Variants in ARHGAP11B observed in about 807,000 individuals in gnomAD.
The protein encoded by ARHGAP11B is inactive Rho GTPase-activating protein 11B.
ARHGAP11B carries 14 observed loss-of-function variants against 27.6 expected under a neutral mutation model. That is an observed-to-expected ratio of 0.51 (90% confidence interval 0.34 to 0.79). The LOEUF is 0.79. ARHGAP11B is among the 30% of genes least tolerant of loss of function. The pLI, the probability that ARHGAP11B is intolerant of heterozygous loss-of-function variation, is 0.02. For synonymous variants in ARHGAP11B, 82 were observed against 114.1 expected (o/e 0.72, Z 1.80); for missense variants, 245 against 320.1 (o/e 0.77, Z 1.79).
At chr15:30,648,702 C>T (rs1335005845) in exon 11 of ARHGAP11B, 1 of 151,914 alleles carries the variant, frequency 6.6e-6, no homozygotes, top group Admixed American at 6.6e-5. Flanking sequence ...ATGAAGCTTG[C>T]TTATCTCATG....
intron 1 of ARHGAP11B, among the ~76,000 whole-genome samples, chr15:30,630,015 A>C (rs75627387): frequency 2.0e-5 from 3 of 151,732 alleles, no homozygotes; most frequent in African/African-American, 7.3e-5. Flanking sequence ...TTAACCAACA[A>C]ACAACTTTAC....
At chr15:30,640,899 C>T (rs1335385032) in intron 7 of ARHGAP11B, among the ~76,000 whole-genome samples, 1 of 151,136 alleles carries the variant, frequency 6.6e-6, no homozygotes, top group Non-Finnish European at 1.5e-5. Context: ...TAACATAGTT[C>T]AGTTTTTTTT....
At chr15:30,638,009 G>A (rs1327246976) in intron 6 of ARHGAP11B, among the ~76,000 whole-genome samples, 1 of 151,400 alleles carries the variant, frequency 6.6e-6, no homozygotes, top group African/African-American at 2.4e-5. Flanking sequence ...TAGTAGAAAG[G>A]GGGTTTCACT....
chr15:30,630,247 G>C (rs906502352), intron 1 of ARHGAP11B, among the ~76,000 whole-genome samples: 9 of 152,064 alleles, frequency 5.9e-5, no homozygotes, highest in African/African-American at 1.9e-4. Flanking sequence ...ACAGGAATTA[G>C]TGTTTTGCTT....
At chr15:30,634,349 C>A in exon 4 of ARHGAP11B, 1 of 1,613,482 alleles carries the variant, frequency 6.2e-7, no homozygotes. Context: ...TACTGTTGCT[C>A]TCCTGTCTTC....
At chr15:30,637,405 A>C (rs1048181829) in intron 6 of ARHGAP11B, among the ~76,000 whole-genome samples, 1 of 152,040 alleles carries the variant, frequency 6.6e-6, no homozygotes, top group African/African-American at 2.4e-5. Context: ...GTCATATAAG[A>C]TTCTATCTCC....
At chr15:30,649,053 A>C (rs1473325948) in exon 11 of ARHGAP11B, 2 of 152,078 alleles carry the variant, frequency 1.3e-5, no homozygotes, top group Non-Finnish European at 2.9e-5. Flanking sequence ...GACATTTTCA[A>C]ACAGACATTC....
intron 7 of ARHGAP11B, among the ~76,000 whole-genome samples, chr15:30,639,514 A>G (rs546778207): frequency 9.9e-5 from 15 of 151,750 alleles, no homozygotes; most frequent in Non-Finnish European, 1.5e-5. Context: ...TTTTTTGTTT[A>G]GCTCTAAGTA....
chr15:30,626,265 G>C (rs1007626599), exon 1 of ARHGAP11B: 1 of 152,798 alleles, frequency 6.5e-6, no homozygotes, highest in African/African-American at 2.4e-5. Flanking sequence ...CCTGTGAGAC[G>C]GGGTGACGGC....
intron 7 of ARHGAP11B, among the ~76,000 whole-genome samples, chr15:30,639,969 AGAGT>A (rs759202128): frequency 3.3e-4 from 36 of 109,590 alleles, no homozygotes; most frequent in African/African-American, 1.3e-3. Flanking sequence ...GTTTCAATAT[AGAGT>A]GTGTGTGTGT....
intron 2 of ARHGAP11B, 55 bp from the exon 3 acceptor site, chr15:30,633,435 A>G: frequency 6.7e-7 from 1 of 1,485,280 alleles, no homozygotes; most frequent in South Asian, 1.2e-5. Flanking sequence ...GTATGTTAGC[A>G]GAGGAATAGG....
At chr15:30,635,271 A>G in intron 5 of ARHGAP11B, 83 bp downstream of exon 5, 1 of 1,554,150 alleles carries the variant, frequency 6.4e-7, no homozygotes, top group South Asian at 1.2e-5. Context: ...TATTAACAGA[A>G]TTTGTTTAAA....
At chr15:30,628,833 T>G (rs1311799327) in intron 1 of ARHGAP11B, among the ~76,000 whole-genome samples, 2 of 152,084 alleles carry the variant, frequency 1.3e-5, no homozygotes, top group Non-Finnish European at 2.9e-5. Flanking sequence ...TTTTATGAGA[T>G]TAAATTTTAG....
chr15:30,648,639 G>A (rs2060366784), exon 11 of ARHGAP11B, among the ~76,000 whole-genome samples: 1 of 152,020 alleles, frequency 6.6e-6, no homozygotes, highest in Non-Finnish European at 1.5e-5. Flanking sequence ...CTGATTCTTA[G>A]TGGGTATTTC....
intron 5 of ARHGAP11B, 148 bp downstream of exon 5, chr15:30,635,336 T>C: frequency 2.1e-6 from 3 of 1,443,178 alleles, no homozygotes; most frequent in Non-Finnish European, 1.9e-6. Flanking sequence ...GTTAGAAAGT[T>C]GGTATATTAC....
intron 7 of ARHGAP11B, among the ~76,000 whole-genome samples, chr15:30,643,191 C>T (rs1273457912): frequency 1.3e-5 from 2 of 151,766 alleles, no homozygotes; most frequent in African/African-American, 2.4e-5. Flanking sequence ...TTGTTATGCC[C>T]CCTTAGTCTC....
chr15:30,630,585 G>GTTTTATCATTTA lies in ARHGAP11B; in HGVS notation c.130-115_130-114insTATCATTTATTT, dbSNP rs1226441952. The GTTTTATCATTTA allele has an allele frequency of 1.9e-6, 3 of 1,551,404 alleles. 1 individual carries two copies. Among genetic ancestry groups the GTTTTATCATTTA allele is most frequent in the Non-Finnish European group, 2.6e-6 (3 of 1,143,032 alleles). Reference sequence around the variant, plus strand: ...ATGATTATTTTTGTCTTGATTGATAGTTTATCATTTATTTCTGATTTTTTT... The same window carrying GTTTTATCATTTA: ...ATGATTATTTTTGTCTTGATTGATAGTTTTATCATTTATTTATCATTTATTTCTGATTTTTTT... On this transcript the variant is annotated intron_variant, in intron 1 of 10. Transcript: ENST00000428041.
Position 30,635,761 on chromosome 15 carries a change from G to T in ARHGAP11B, c.*3+128G>T, listed in dbSNP as rs914036042. The T allele has an allele frequency of 3.4e-6, 3 of 870,230 alleles. No homozygotes were observed. In the East Asian group the frequency reaches 7.4e-5, roughly 22 times the overall value. 53.9% of individuals were successfully genotyped at this position (870,230 alleles called of 1,614,324 possible). A position where few individuals can be genotyped will look rare whatever the true frequency, so the allele number is the denominator to read the frequency against. On this transcript the variant is annotated intron_variant, in intron 6 of 10. Coordinates refer to ENST00000428041, the Ensembl canonical transcript of ARHGAP11B. Reference sequence around the variant, plus strand: ...TAAAGCACAGCTGGAAAGATAGGACGTATGCGTGTAAAAAGTTAAAGCGAT... The same window carrying T: ...TAAAGCACAGCTGGAAAGATAGGACTTATGCGTGTAAAAAGTTAAAGCGAT...
At chr15:30,638,611 A>G in intron 6 of ARHGAP11B, 135 bp from the exon 7 acceptor site, 2 of 479,292 alleles carry the variant, frequency 4.2e-6, no homozygotes, top group Non-Finnish European at 3.7e-6. Context: ...TTTTGAAATA[A>G]TTCCTCTTAA....
Sources: gnomAD v4.1 joint callset for allele counts (sites outside exome capture counted in the v4.1 genomes callset) on GRCh38, gnomAD v4.1.1 for gene constraint, MANE v1.5 for transcripts, NCBI Gene and HGNC (gene_info 2026-07-23, HGNC 2026-07-21) for gene names.